Variants in ARMH4 observed in about 807,000 individuals in gnomAD.
The protein encoded by ARMH4 is armadillo like helical domain containing 4, also known as armadillo-like helical domain-containing protein 4.
ARMH4 carries 49 observed loss-of-function variants against 61.9 expected under a neutral mutation model. That is an observed-to-expected ratio of 0.79 (90% CI 0.63 to 1.00). The LOEUF (loss-of-function observed/expected upper bound fraction) is 1.00, where lower values mean the gene tolerates loss of function less well. Among genes scored for constraint, ARMH4 ranks in the 50% least tolerant of loss-of-function variants. The probability of loss-of-function intolerance (pLI) is 0.00; values close to 1 mark genes in which losing one functional copy is unlikely to be tolerated. For missense variants in ARMH4, 934 were observed against 930.0 expected, an observed-to-expected ratio of 1.00 and a Z score of -0.06; for synonymous variants, 368 against 341.5, an observed-to-expected ratio of 1.08 and a Z score of -0.85.
chr14:58,024,815 AG>A (rs1882965080), intron 5 of ARMH4, among the ~76,000 whole-genome samples: 1 of 152,168 alleles, frequency 6.6e-6, no homozygotes, highest in African/African-American at 2.4e-5. Flanking sequence ...GGAGGCCTAA[AG>A]AACGGGAGAG....
intron 5 of ARMH4, among the ~76,000 whole-genome samples, chr14:58,025,143 T>A (rs950769247): frequency 1.3e-5 from 2 of 151,958 alleles, no homozygotes; most frequent in Non-Finnish European, 2.9e-5. Flanking sequence ...CAAAGTTCAA[T>A]AAAGTGAAGG....
At chr14:58,092,821 G>GTT (rs374588899) in intron 5 of ARMH4, among the ~76,000 whole-genome samples, 60,098 of 142,892 alleles carry the variant, frequency 0.42, 12,624 homozygotes, top group Non-Finnish European at 0.47. Context: ...TTCCCTTTTT[G>GTT]TTTTTTTTTT....
intron 3 of ARMH4, among the ~76,000 whole-genome samples, chr14:58,132,205 T>C (rs1312525399): frequency 6.6e-6 from 1 of 152,212 alleles, no homozygotes; most frequent in East Asian, 1.9e-4. Flanking sequence ...CCAGAGACTC[T>C]AGAACAGCAG....
intron 5 of ARMH4, among the ~76,000 whole-genome samples, chr14:58,054,290 T>A (rs1345460823): frequency 6.6e-6 from 1 of 152,216 alleles, no homozygotes; most frequent in Non-Finnish European, 1.5e-5. Context: ...CTATGGAGAC[T>A]GGTAACACAC....
intron 5 of ARMH4, among the ~76,000 whole-genome samples, chr14:58,064,284 T>C (rs1884632697): frequency 6.6e-6 from 1 of 152,170 alleles, no homozygotes; most frequent in South Asian, 2.1e-4. Context: ...GAAACACCTA[T>C]AAAGAATAAG....
chr14:58,067,557 G>C (rs2141222860), intron 5 of ARMH4, among the ~76,000 whole-genome samples: 1 of 152,330 alleles, frequency 6.6e-6, no homozygotes, highest in South Asian at 2.1e-4. Context: ...CAAGACATTT[G>C]CATCATTCTG....
At position 58,021,640 on chromosome 14, in the gene ARMH4, C is replaced by T. The variant is rs555417667; in HGVS notation, c.2090-9490G>A. 2.6e-5 allele frequency among the ~76,000 whole-genome samples: 4 copies of T among 152,292 alleles called. No individual in the cohort carries two copies. In the South Asian group the frequency reaches 8.3e-4, roughly 32 times the overall value. ...CAGTCAAGTTGACACATAAAATTAT[C>T]CATCACAGAGTGAGACTGGAGGTCA... On this transcript the variant is annotated intron_variant, in intron 5 of 7. Coordinates refer to ENST00000267485, the MANE Select transcript of ARMH4 (RefSeq NM_001001872.4).
Position 58,139,083 on chromosome 14 carries a change from A to C in ARMH4, c.276T>G (p.Ile92Met), listed in dbSNP as rs373428219. ...CTTGTCCAGGCTGGGTTTCTTTGTT[A>C]ATCGAGAATGCTTTATTTAATGATG... ...SATSLNKAFSINKETQPGQAG... is the reference protein window; with the variant it reads ...SATSLNKAFSMNKETQPGQAG... The change falls in exon 2 of 8, where the codon ATT becomes ATG. Residue 92 changes from isoleucine to methionine, a missense_variant. Transcript: ENST00000267485. 44 of 1,614,198 alleles carry C rather than the reference A, an allele frequency of 2.7e-5. 2 individuals carry two copies. In the South Asian group the frequency reaches 4.4e-4, roughly 16 times the overall value.
At chr14:58,029,476 C>T (rs575381602) in intron 5 of ARMH4, among the ~76,000 whole-genome samples, 84 of 152,168 alleles carry the variant, frequency 5.5e-4, no homozygotes, top group African/African-American at 1.9e-3. Flanking sequence ...TCAGGTGATC[C>T]GCCTACCTCG....
chr14:58,096,101 C>T (rs775472734), intron 5 of ARMH4, among the ~76,000 whole-genome samples: 3 of 152,118 alleles, frequency 2.0e-5, no homozygotes, highest in Non-Finnish European at 4.4e-5. Flanking sequence ...CAAGCACGGG[C>T]CATGAATAAG....
At chr14:58,019,261 A>C (rs1484040412) in intron 5 of ARMH4, among the ~76,000 whole-genome samples, 1 of 152,204 alleles carries the variant, frequency 6.6e-6, no homozygotes, top group African/African-American at 2.4e-5. Flanking sequence ...TGTTCTTACC[A>C]CAAAAATGCT....
intron 1 of ARMH4, among the ~76,000 whole-genome samples, chr14:58,150,859 A>G (rs1197866525): frequency 6.6e-6 from 1 of 152,230 alleles, no homozygotes; most frequent in East Asian, 1.9e-4. Flanking sequence ...GTGTGTTTCA[A>G]TAGATGCTAC....
rs568475162 is a variant in ARMH4 at position 58,126,620 on chromosome 14, C to T, written c.1831+4892G>A. 3.4e-4 allele frequency among the ~76,000 whole-genome samples: 52 copies of T among 152,084 alleles called. No homozygotes were observed. In the South Asian group the frequency reaches 8.1e-3, roughly 24 times the overall value. ...CAGCTTTCTGCCCCATGTATGGTGC[C>T]TGGCTGGGAAAAAAATGTCAAAAAC... On this transcript the variant is annotated intron_variant, in intron 4 of 7. Coordinates refer to ENST00000267485, the MANE Select transcript of ARMH4 (RefSeq NM_001001872.4).
chr14:58,018,790 C>T (rs10141231), intron 5 of ARMH4, among the ~76,000 whole-genome samples: 86,611 of 151,922 alleles, frequency 0.57, 24,816 homozygotes, highest in East Asian at 0.67. Flanking sequence ...CAAAGGAAAA[C>T]AAATCAGTAT....
chr14:58,126,174 C>T (rs541602863), intron 4 of ARMH4, among the ~76,000 whole-genome samples: 21 of 152,276 alleles, frequency 1.4e-4, no homozygotes, highest in South Asian at 6.2e-4. Flanking sequence ...TTAAAAACTT[C>T]ACCCTAATGC....
rs542054478 is a variant in ARMH4 at position 58,068,938 on chromosome 14, C to T, written c.2089+27786G>A. ...ATGAGAATCACTTGAACCCAGGAGA[C>T]GGAGGTTGCAGTGAGCAAGATCGCA... On this transcript the variant is annotated intron_variant, in intron 5 of 7. Transcript: ENST00000267485. Among the ~76,000 whole-genome samples the T allele has an allele frequency of 4.0e-5, 6 of 148,662 alleles. No individual in the cohort carries two copies. The South Asian group carries it at 1.1e-3, about 26-fold the overall frequency.
intron 4 of ARMH4, among the ~76,000 whole-genome samples, chr14:58,108,008 A>G (rs1886223451): frequency 1.3e-5 from 2 of 152,130 alleles, no homozygotes; most frequent in African/African-American, 4.8e-5. Context: ...TCCACCTATA[A>G]AGTGACTGAA....
chr14:58,049,219 A>G (rs1035398324), intron 5 of ARMH4, among the ~76,000 whole-genome samples: 1 of 151,186 alleles, frequency 6.6e-6, no homozygotes, highest in Non-Finnish European at 1.5e-5. Context: ...AGCTGGGGCA[A>G]CAGAGCAAGA....
intron 5 of ARMH4, among the ~76,000 whole-genome samples, chr14:58,086,237 G>A (rs1239225730): frequency 2.0e-5 from 3 of 152,118 alleles, no homozygotes; most frequent in South Asian, 2.1e-4. Flanking sequence ...AGGTCTGATC[G>A]TTTCTACAGT....
Sources: gnomAD v4.1 joint callset for allele counts (sites outside exome capture counted in the v4.1 genomes callset) on GRCh38, gnomAD v4.1.1 for gene constraint, MANE v1.5 for transcripts, NCBI Gene and HGNC (gene_info 2026-07-23, HGNC 2026-07-21) for gene names.